Variants in ADORA1 observed in about 807,000 individuals in gnomAD.
ADORA1 encodes adenosine A1 receptor.
Under a neutral mutation model 19.9 loss-of-function variants are expected in ADORA1, and 6 were observed. The observed-to-expected ratio is 0.30, with a 90% CI of 0.17 to 0.59. ADORA1 has a LOEUF of 0.59. Among genes scored for constraint, ADORA1 ranks in the 20% least tolerant of loss-of-function variants. The pLI is 0.87. For synonymous variants in ADORA1, 194 were observed against 188.4 expected (o/e 1.03, Z -0.24); for missense variants, 302 against 439.2 (o/e 0.69, Z 2.79).
intron 3 of ADORA1, among the ~76,000 whole-genome samples, chr1:203,157,169 A>G (rs1363879501): frequency 6.6e-6 from 1 of 152,246 alleles, no homozygotes; most frequent in East Asian, 1.9e-4. Flanking sequence ...TAAATCAGAT[A>G]TGGGTGAGGC....
chr1:203,128,461 C>A lies in ADORA1; in HGVS notation c.-58+29C>A. The A allele has an allele frequency of 7.8e-7, 1 of 1,281,126 alleles. No homozygotes were observed. The highest frequency in any genetic ancestry group is 1.0e-6 in the Non-Finnish European group (1 of 981,176). 79.4% of individuals were successfully genotyped at this position (1,281,126 alleles called of 1,614,324 possible). A position where few individuals can be genotyped will look rare whatever the true frequency, so the allele number is the denominator to read the frequency against. ...AGCTCCCTGCATCCTGTTCTGTGCA[C>A]AGGGGTGGGCAGAGCCAGTCATGGG... On this transcript the variant is annotated intron_variant, in intron 2 of 3. Transcript: ENST00000337894. The surrounding 1 kb of genome is among the most constrained non-coding windows in gnomAD (Gnocchi z 5.9).
chr1:203,138,835 T>G lies in ADORA1; in HGVS notation c.341+9653T>G, dbSNP rs573098045. 2.8e-4 allele frequency among the ~76,000 whole-genome samples: 43 copies of G among 152,260 alleles called. 1 individual carries two copies. In the South Asian group the frequency reaches 6.6e-3, roughly 24 times the overall value. ...GATTTTATTTATTTATTTATTTACTTTGAGACAGAGTCTCACTCTGTCACC... is the reference window on the plus strand; with the variant it reads ...GATTTTATTTATTTATTTATTTACTGTGAGACAGAGTCTCACTCTGTCACC... On this transcript the variant is annotated intron_variant, in intron 3 of 3. Transcript: ENST00000337894.
At chr1:203,156,213 A>T (rs568707580) in intron 3 of ADORA1, among the ~76,000 whole-genome samples, 129 of 152,264 alleles carry the variant, frequency 8.5e-4, no homozygotes, top group Non-Finnish European at 1.7e-3. Flanking sequence ...AGATAGATAG[A>T]TAGTTAGATA....
At chr1:203,151,387 C>T (rs577027858) in intron 3 of ADORA1, among the ~76,000 whole-genome samples, 193 of 152,216 alleles carry the variant, frequency 1.3e-3, no homozygotes, top group African/African-American at 4.5e-3. Context: ...CCGTTCTGTA[C>T]GAAGGTTGAA....
At chr1:203,139,511 C>T (rs1160946507) in intron 3 of ADORA1, among the ~76,000 whole-genome samples, 1 of 152,164 alleles carries the variant, frequency 6.6e-6, no homozygotes, top group African/African-American at 2.4e-5. Flanking sequence ...TTGGGGGCAG[C>T]ATGAAGGGCC....
intron 3 of ADORA1, among the ~76,000 whole-genome samples, chr1:203,143,559 T>TG (rs34636136): frequency 0.29 from 43,487 of 150,876 alleles, 7,702 homozygotes; most frequent in African/African-American, 0.51. Context: ...GTGTGTGTGT[T>TG]TGTGTGTGCA....
At position 203,128,848 on chromosome 1, in the gene ADORA1, C is replaced by T. The variant is rs202220505; in HGVS notation, c.7C>T (p.Pro3Ser). 8.1e-6 allele frequency: 13 copies of T among 1,595,862 alleles called. No homozygotes were observed. In the East Asian group the frequency reaches 2.7e-4, roughly 33 times the overall value. The change falls in exon 3 of 4, where the codon CCC (proline) becomes TCC (serine). Residue 3 changes from proline (P) to serine (S), a missense_variant. Coordinates refer to ENST00000337894, the MANE Select transcript of ADORA1 (RefSeq NM_000674.3). The surrounding 1 kb of genome is among the most constrained non-coding windows in gnomAD (Gnocchi z 5.9). MP[P>S]SISAFQAAYI... is the part of the protein sequence containing the mutation. Reference sequence around the variant, plus strand: ...TGCCCAGCCTGTGCCCGCCATGCCGCCCTCCATCTCAGCTTTCCAGGCCGC... The same window carrying T: ...TGCCCAGCCTGTGCCCGCCATGCCGTCCTCCATCTCAGCTTTCCAGGCCGC...
chr1:203,153,054 A>G (rs1412720638), intron 3 of ADORA1, among the ~76,000 whole-genome samples: 1 of 152,148 alleles, frequency 6.6e-6, no homozygotes, highest in Non-Finnish European at 1.5e-5. Context: ...CACTGAGCAA[A>G]TCCAAACTTC....
Position 203,165,941 on chromosome 1 carries a change from C to T in ADORA1, c.*41C>T. 1 of 1,520,138 alleles carries T rather than the reference C, an allele frequency of 6.6e-7. No individual in the cohort carries two copies. 94.2% of individuals were successfully genotyped at this position (1,520,138 alleles called of 1,614,324 possible). A position where few individuals can be genotyped will look rare whatever the true frequency, so the allele number is the denominator to read the frequency against. ...CCCACCAGCCCACATCCAGTGGGGT[C>T]TCAGTCCAGTCCTCACATGCCCGCT... On this transcript the variant is annotated 3_prime_UTR_variant, in exon 4 of 4. Coordinates refer to ENST00000337894, the MANE Select transcript of ADORA1 (RefSeq NM_000674.3). The surrounding 1 kb of genome is among the most constrained non-coding windows in gnomAD (Gnocchi z 5.9).
chr1:203,133,850 G>A (rs1654420074), intron 3 of ADORA1, among the ~76,000 whole-genome samples: 1 of 152,184 alleles, frequency 6.6e-6, no homozygotes, highest in Admixed American at 6.5e-5. Flanking sequence ...GGTAAATTAG[G>A]GCACGTTTGC....
chr1:203,160,857 G>A (rs1359318012), intron 3 of ADORA1, among the ~76,000 whole-genome samples: 1 of 152,178 alleles, frequency 6.6e-6, no homozygotes, highest in Non-Finnish European at 1.5e-5. Context: ...AGAAATAAAT[G>A]TTAGCGCTTA....
intron 3 of ADORA1, among the ~76,000 whole-genome samples, chr1:203,148,826 C>T (rs1654941513): frequency 6.6e-6 from 1 of 152,174 alleles, no homozygotes; most frequent in Admixed American, 6.5e-5. Context: ...CAGTGCATGT[C>T]CTACCCGATT....
At position 203,138,812 on chromosome 1, in the gene ADORA1, T is replaced by TTTTA. The variant is rs551869404; in HGVS notation, c.341+9647_341+9650dup. On this transcript the variant is annotated intron_variant, in intron 3 of 3. Coordinates refer to ENST00000337894, the MANE Select transcript of ADORA1 (RefSeq NM_000674.3). Reference sequence around the variant, plus strand: ...GGAAACGAGCTGTCTTACTCTGGGATTTTATTTATTTATTTATTTACTTTG... The same window carrying TTTTA: ...GGAAACGAGCTGTCTTACTCTGGGATTTTATTTATTTATTTATTTATTTACTTTG... Among the ~76,000 whole-genome samples the TTTTA allele has an allele frequency of 5.4e-4, 82 of 152,134 alleles. 1 individual carries two copies. Among genetic ancestry groups the TTTTA allele is most frequent in the Non-Finnish European group, 9.0e-4 (61 of 67,988 alleles).
intron 3 of ADORA1, among the ~76,000 whole-genome samples, chr1:203,159,329 C>A (rs1056062969): frequency 1.3e-5 from 2 of 152,232 alleles, no homozygotes; most frequent in Non-Finnish European, 2.9e-5. Context: ...TCCCCTCGTA[C>A]TTAGGATAAA....
chr1:203,164,519 A>C (rs963591153), intron 3 of ADORA1, among the ~76,000 whole-genome samples: 8 of 152,110 alleles, frequency 5.3e-5, no homozygotes, highest in Admixed American at 3.3e-4. Context: ...CATCATTCCC[A>C]GTTAGCTTGG....
At chr1:203,154,517 G>A (rs918662589) in intron 3 of ADORA1, among the ~76,000 whole-genome samples, 6 of 152,298 alleles carry the variant, frequency 3.9e-5, no homozygotes, top group African/African-American at 1.4e-4. Flanking sequence ...AAGTGAGGAG[G>A]CGGTGATCCC....
At chr1:203,146,742 C>T (rs962940478) in intron 3 of ADORA1, among the ~76,000 whole-genome samples, 3 of 152,198 alleles carry the variant, frequency 2.0e-5, no homozygotes, top group African/African-American at 7.2e-5. Flanking sequence ...GCTGTGGGCA[C>T]GAGCCAGGCC....
intron 3 of ADORA1, among the ~76,000 whole-genome samples, chr1:203,138,669 A>C (rs1654584767): frequency 6.6e-6 from 1 of 152,148 alleles, no homozygotes; most frequent in South Asian, 2.1e-4. Flanking sequence ...GCAACGCCTG[A>C]ATGGAGAAAG....
chr1:203,143,242 GGAGGGCATCACATGGTGA>G (rs1022748887), intron 3 of ADORA1, among the ~76,000 whole-genome samples: 5 of 152,296 alleles, frequency 3.3e-5, no homozygotes, highest in African/African-American at 9.6e-5. Context: ...GCGTCACAGT[GGAGGGCATCACATGGTGA>G]GAGGGCAAGA....
Sources: gnomAD v4.1 joint callset for allele counts (sites outside exome capture counted in the v4.1 genomes callset) on GRCh38, gnomAD v4.1.1 for gene constraint, Gnocchi (gnomAD v3.1) non-coding constraint, MANE v1.5 for transcripts, NCBI Gene and HGNC (gene_info 2026-07-23, HGNC 2026-07-21) for gene names.